Variants in CCDC106 observed in about 807,000 individuals in gnomAD.
CCDC106 encodes the protein coiled-coil domain-containing protein 106.
A neutral mutation model predicts 24.7 loss-of-function variants in CCDC106; 17 were observed. The ratio of observed to expected loss-of-function variants is 0.69; its 90% confidence interval spans 0.47 to 1.03. The LOEUF (loss-of-function observed/expected upper bound fraction) is 1.03. Among genes scored for constraint, CCDC106 ranks in the 50% least tolerant of loss-of-function variants. CCDC106 has a pLI of 0.00. For missense variants in CCDC106, 337 were observed against 388.9 expected, an observed-to-expected ratio of 0.87 and a Z score of 1.12; for synonymous variants, 211 against 161.3, an observed-to-expected ratio of 1.31 and a Z score of -2.34.
intron 3 of CCDC106, 24 bp from the exon 4 acceptor site, chr19:55,651,259 A>ATG: frequency 6.4e-7 from 1 of 1,557,956 alleles, no homozygotes; most frequent in Non-Finnish European, 8.9e-7. Flanking sequence ...CCCTTGGTTC[A>ATG]TGTGTGTGTC....
intron 3 of CCDC106, 146 bp downstream of exon 3, chr19:55,649,730 C>T (rs956207483): frequency 2.8e-5 from 20 of 705,678 alleles, no homozygotes; most frequent in Non-Finnish European, 4.5e-5. Context: ...GTTTTGGGCC[C>T]CCAGGCCCAG....
At position 55,652,597 on chromosome 19, in the gene CCDC106, G is replaced by A. The variant is rs1983392843; in HGVS notation, c.694G>A (p.Glu232Lys). Reference protein sequence around the residue: ...LLIVAPEKLAEVGEFDPSKER... With the variant: ...LLIVAPEKLAKVGEFDPSKER... ...CATTGTGGCCCCCGAGAAGCTGGCC[G>A]AGGTGGGCGAGTTCGACCCCTCCAA... Residue 232 changes from glutamate (E) to lysine (K), a missense_variant, in exon 5 of 5, where the codon GAG becomes AAG. Glu to Lys is a moderately conservative substitution (Grantham distance 56). Coordinates refer to ENST00000586790, the MANE Select transcript of CCDC106 (RefSeq NM_001370470.1). This position sits in a 1 kb window ranked among gnomAD's most constrained non-coding sequence, Gnocchi z 5.9. 1.9e-6 allele frequency: 3 copies of A among 1,613,214 alleles called. No homozygotes were observed. The highest frequency in any genetic ancestry group is 2.5e-6 in the Non-Finnish European group (3 of 1,179,910).
At position 55,652,244 on chromosome 19, in the gene CCDC106, A is replaced by G. The variant is rs1292389730; in HGVS notation, c.527-186A>G. 6.6e-6 allele frequency among the ~76,000 whole-genome samples: 1 copy of G among 151,584 alleles called. No homozygotes were observed. The highest frequency in any genetic ancestry group is 1.9e-4 in the East Asian group (1 of 5,144). ...TCTTCCCATTTCCCACTGGTCCAAG[A>G]TCTGGCTGCGATTCTTCCCCTCCTC... is the stretch of plus-strand genomic sequence containing the variant. On this transcript the variant is annotated intron_variant, in intron 4 of 4. Transcript: ENST00000586790. This position sits in a 1 kb window ranked among gnomAD's most constrained non-coding sequence, Gnocchi z 5.9.
At chr19:55,649,891 C>T (rs1054607101) in intron 3 of CCDC106, among the ~76,000 whole-genome samples, 1 of 152,258 alleles carries the variant, frequency 6.6e-6, no homozygotes, top group African/African-American at 2.4e-5. Context: ...GGGACCCTGG[C>T]ACCTGAGAGC....
chr19:55,651,190 G>C (rs1186647074), intron 3 of CCDC106, 93 bp from the exon 4 acceptor site: 24 of 970,734 alleles, frequency 2.5e-5, no homozygotes, highest in Admixed American at 1.6e-4. Context: ...CAGGTTGGGG[G>C]ATCCAGTTCG....
At chr19:55,651,151 T>C (rs538013141) in intron 3 of CCDC106, 132 bp from the exon 4 acceptor site, 12 of 723,708 alleles carry the variant, frequency 1.7e-5, no homozygotes, top group South Asian at 1.1e-4. Context: ...CCGTACTCCT[T>C]GTCTCTCTGT....
At position 55,652,990 on chromosome 19, in the gene CCDC106, A is replaced by C; in HGVS notation, c.*244A>C. The C allele has an allele frequency of 6.4e-6, 3 of 471,290 alleles. No individual in the cohort carries two copies. Among genetic ancestry groups the C allele is most frequent in the Non-Finnish European group, 1.1e-5 (3 of 267,268 alleles). The allele number at this position is 471,290 out of a possible 1,614,324, so 29.2% of individuals were successfully genotyped here. On this transcript the variant is annotated 3_prime_UTR_variant, in exon 5 of 5. Coordinates refer to ENST00000586790, the MANE Select transcript of CCDC106 (RefSeq NM_001370470.1). The surrounding 1 kb of genome is among the most constrained non-coding windows in gnomAD (Gnocchi z 5.9). ...CCGGGCCCCTTCCTCCTGGAAAACC[A>C]GGCAGGCGGGTGCCCCCCCCTCGAG...
chr19:55,653,133 T>A lies in CCDC106; in HGVS notation c.*387T>A. 4 of 162,736 alleles carry A rather than the reference T, an allele frequency of 2.5e-5. No individual in the cohort carries two copies. Among genetic ancestry groups the A allele is most frequent in the Non-Finnish European group, 4.0e-5 (3 of 75,394 alleles). 10.1% of individuals were successfully genotyped at this position (162,736 alleles called of 1,614,324 possible). The stretch of plus-strand genomic sequence containing the variant: ...AGAGAATTATTCAGATAATTTAAAT[T>A]AAAAAACGACGTGAAAATTTGGAAT... On this transcript the variant is annotated 3_prime_UTR_variant, in exon 5 of 5. Transcript: ENST00000586790.
In CCDC106 at chr19:55,649,073, G is replaced by C. The variant is rs1267487838; in HGVS notation, c.27G>C (p.Arg9=). The change falls in exon 1 of 5, where the codon CGG becomes CGC. Residue 9 remains arginine (R), a synonymous_variant. Coordinates refer to ENST00000586790, the MANE Select transcript of CCDC106 (RefSeq NM_001370470.1). ...TGAATGACCGGAGCAGTCGGAGGCG[G>C]ACAAGTGAGGAAGCTGGGTCCCCTT... is the stretch of plus-strand genomic sequence containing the variant. MNDRSSRR[R]TMKDDETFEI... 1.2e-6 allele frequency: 2 copies of C among 1,613,826 alleles called. No homozygotes were observed. Among genetic ancestry groups the C allele is most frequent in the African/African-American group, 1.3e-5 (1 of 74,916 alleles).
Position 55,652,694 on chromosome 19 carries a change from C to T in CCDC106, c.791C>T (p.Ala264Val), listed in dbSNP as rs1983404519. The change falls in exon 5 of 5, where the codon GCG becomes GTG. Residue 264 changes from alanine to valine, a missense_variant. Physicochemically the swap from Ala to Val is moderately conservative, Grantham distance 64. Coordinates refer to ENST00000586790, the MANE Select transcript of CCDC106 (RefSeq NM_001370470.1). The surrounding 1 kb of genome is among the most constrained non-coding windows in gnomAD (Gnocchi z 5.9). ...LDDETLKKVQ[A>V]LKKSKLLLPI... Reference sequence around the variant, plus strand: ...GACGAGACGCTCAAGAAGGTGCAGGCGCTCAAGAAGAGCAAGCTGCTGCTG... The same window carrying T: ...GACGAGACGCTCAAGAAGGTGCAGGTGCTCAAGAAGAGCAAGCTGCTGCTG... The T allele has an allele frequency of 1.2e-6, 2 of 1,612,984 alleles. No homozygotes were observed. Among genetic ancestry groups the T allele is most frequent in the Non-Finnish European group, 1.7e-6 (2 of 1,179,902 alleles).
At chr19:55,649,698 C>A in intron 3 of CCDC106, 114 bp downstream of exon 3, 1 of 984,544 alleles carries the variant, frequency 1.0e-6, no homozygotes. Flanking sequence ...CCATGTTGGC[C>A]CTATCTGCTA....
At chr19:55,647,849 G>C (rs1018848122), upstream of CCDC106, among the ~76,000 whole-genome samples, 1 of 152,062 alleles carries the variant, frequency 6.6e-6, no homozygotes, top group Non-Finnish European at 1.5e-5. Flanking sequence ...AACTTTCTCG[G>C]TGTCTCAAAC....
At chr19:55,649,712 C>T (rs1329048005) in intron 3 of CCDC106, 128 bp downstream of exon 3, 11 of 861,806 alleles carry the variant, frequency 1.3e-5, no homozygotes, top group Non-Finnish European at 1.8e-5. Flanking sequence ...TCTGCTAGTC[C>T]CCTGCCTGTT....
Position 55,652,887 on chromosome 19 carries a change from C to T in CCDC106, c.*141C>T, listed in dbSNP as rs1983426583. 2.7e-6 allele frequency: 2 copies of T among 738,920 alleles called. No individual in the cohort carries two copies. The highest frequency in any genetic ancestry group is 2.2e-6 in the Non-Finnish European group (1 of 464,058). The allele number at this position is 738,920 out of a possible 1,614,324, so 45.8% of individuals were successfully genotyped here. A position where few individuals can be genotyped will look rare whatever the true frequency, so the allele number is the denominator to read the frequency against. On this transcript the variant is annotated 3_prime_UTR_variant, in exon 5 of 5. Coordinates refer to ENST00000586790, the MANE Select transcript of CCDC106 (RefSeq NM_001370470.1). The surrounding 1 kb of genome is among the most constrained non-coding windows in gnomAD (Gnocchi z 5.9). Reference sequence around the variant, plus strand: ...GCTCCCTTAGCCGGGCCCCCAAGCGCGACGGCCCCGGACCGGCCGCGGCCC... The same window carrying T: ...GCTCCCTTAGCCGGGCCCCCAAGCGTGACGGCCCCGGACCGGCCGCGGCCC...
At position 55,648,881 on chromosome 19, in the gene CCDC106, C is replaced by T. The variant is rs1983042440; in HGVS notation, c.-166C>T. ...TTGCCTCAGTCCTGGGGTCCAGGCTCCCTCCTCCCTCAGACCAGGGGTCCA... is the reference window on the plus strand; with the variant it reads ...TTGCCTCAGTCCTGGGGTCCAGGCTTCCTCCTCCCTCAGACCAGGGGTCCA... On this transcript the variant is annotated 5_prime_UTR_variant, in exon 1 of 5. Transcript: ENST00000586790. The T allele has an allele frequency of 2.7e-6, 2 of 728,046 alleles. No homozygotes were observed. Among genetic ancestry groups the T allele is most frequent in the South Asian group, 1.6e-5 (1 of 61,928 alleles). 45.1% of individuals were successfully genotyped at this position (728,046 alleles called of 1,614,324 possible). A position where few individuals can be genotyped will look rare whatever the true frequency, so the allele number is the denominator to read the frequency against.
At position 55,652,373 on chromosome 19, in the gene CCDC106, G is replaced by A; in HGVS notation, c.527-57G>A. On this transcript the variant is annotated intron_variant, in intron 4 of 4. Transcript: ENST00000586790. The surrounding 1 kb of genome is among the most constrained non-coding windows in gnomAD (Gnocchi z 5.9). ...CATGGCCGTTTCCCTTCCCGTGTCC[G>A]CCCCCTCAGTCTTGTGCCCTGCCCC... The A allele has an allele frequency of 6.9e-7, 1 of 1,438,986 alleles. No homozygotes were observed. Among genetic ancestry groups the A allele is most frequent in the Non-Finnish European group, 9.5e-7 (1 of 1,052,660 alleles). The allele number at this position is 1,438,986 out of a possible 1,614,324, so 89.1% of individuals were successfully genotyped here. A position where few individuals can be genotyped will look rare whatever the true frequency, so the allele number is the denominator to read the frequency against.
At position 55,651,351 on chromosome 19, in the gene CCDC106, G is replaced by C. The variant is rs778004878; in HGVS notation, c.382G>C (p.Glu128Gln). The stretch of plus-strand genomic sequence containing the variant: ...GGACAGCCGTGGTGGGGCTGGGGGC[G>C]AGGCCTCGGACCCTGAGTCAGCAGC... ...EGDSRGGAGG[E>Q]ASDPESAASS... is the part of the protein sequence containing the mutation. Residue 128 changes from glutamate (E) to glutamine (Q), a missense_variant, in exon 4 of 5, where the codon GAG becomes CAG. Transcript: ENST00000586790. 3 of 1,613,110 alleles carry C rather than the reference G, an allele frequency of 1.9e-6. No individual in the cohort carries two copies. The highest frequency in any genetic ancestry group is 2.2e-5 in the South Asian group (2 of 91,022).
At position 55,648,894 on chromosome 19, in the gene CCDC106, G is replaced by C. The variant is rs1204626639; in HGVS notation, c.-153G>C. The stretch of plus-strand genomic sequence containing the variant: ...GGGGTCCAGGCTCCCTCCTCCCTCA[G>C]ACCAGGGGTCCAGGCCAGAAGGTCC... On this transcript the variant is annotated 5_prime_UTR_variant, in exon 1 of 5. Coordinates refer to ENST00000586790, the MANE Select transcript of CCDC106 (RefSeq NM_001370470.1). 1 of 782,058 alleles carries C rather than the reference G, an allele frequency of 1.3e-6. No homozygotes were observed. The allele number at this position is 782,058 out of a possible 1,614,324, so 48.4% of individuals were successfully genotyped here. A position where few individuals can be genotyped will look rare whatever the true frequency, so the allele number is the denominator to read the frequency against.
chr19:55,651,249 C>T (rs1231625802), intron 3 of CCDC106, 34 bp from the exon 4 acceptor site: 2 of 1,506,790 alleles, frequency 1.3e-6, no homozygotes, highest in African/African-American at 1.4e-5. Flanking sequence ...GATGTCTGGT[C>T]CCTTGGTTCA....
Sources: gnomAD v4.1 joint callset for allele counts (sites outside exome capture counted in the v4.1 genomes callset) on GRCh38, gnomAD v4.1.1 for gene constraint, Gnocchi (gnomAD v3.1) non-coding constraint, MANE v1.5 for transcripts, NCBI Gene and HGNC (gene_info 2026-07-23, HGNC 2026-07-21) for gene names.